The following GAS7 variants were observed in gnomAD, a reference collection of about 807,000 sequenced individuals.
The protein encoded by GAS7 is growth arrest-specific protein 7.
In GAS7, 28 loss-of-function variants were observed where a neutral mutation model predicts 71.1. The ratio of observed to expected loss-of-function variants is 0.39; its 90% CI spans 0.29 to 0.54. GAS7 has a LOEUF of 0.54. Ranked by LOEUF, GAS7 falls within the 20% of genes least tolerant of loss-of-function variation. GAS7 has a pLI of 0.62. For missense variants in GAS7, 436 were observed against 627.8 expected, an observed-to-expected ratio of 0.69 and a Z score of 3.27; for synonymous variants, 258 against 245.8, an observed-to-expected ratio of 1.05 and a Z score of -0.46.
In GAS7 at chr17:9,917,200, A is replaced by G; in HGVS notation, c.*28T>C. The G allele has an allele frequency of 5.2e-6, 5 of 968,988 alleles. No homozygotes were observed. The highest frequency in any genetic ancestry group is 8.4e-6 in the Non-Finnish European group (5 of 593,334). 60.0% of individuals were successfully genotyped at this position (968,988 alleles called of 1,614,324 possible). On this transcript the variant is annotated 3_prime_UTR_variant, in exon 14 of 14. Transcript: ENST00000432992. ...TGGGAGCCCAGCCCCCCTCCCCAGCAGGACCCCCCGAAGCTGCACAGGCCC... is the reference window on the plus strand; with the variant it reads ...TGGGAGCCCAGCCCCCCTCCCCAGCGGGACCCCCCGAAGCTGCACAGGCCC...
intron 2 of GAS7, among the ~76,000 whole-genome samples, chr17:9,988,698 T>A (rs1047822699): frequency 1.3e-5 from 2 of 151,736 alleles, no homozygotes; most frequent in African/African-American, 4.8e-5. Flanking sequence ...AAAAAAAAAA[T>A]TAAATGATAT....
At chr17:10,073,015 G>A (rs908396378) in intron 1 of GAS7, among the ~76,000 whole-genome samples, 4 of 152,216 alleles carry the variant, frequency 2.6e-5, no homozygotes, top group African/African-American at 4.8e-5. Context: ...GTGGCACGAT[G>A]GAAATAGAAA....
chr17:10,042,081 G>A (rs1482621076), intron 1 of GAS7, among the ~76,000 whole-genome samples: 2 of 152,036 alleles, frequency 1.3e-5, no homozygotes, highest in African/African-American at 2.4e-5. Flanking sequence ...CAGATCATGA[G>A]GTCACGAGTT....
At chr17:10,185,554 C>T (rs1028725264) in intron 1 of GAS7, among the ~76,000 whole-genome samples, 3 of 152,156 alleles carry the variant, frequency 2.0e-5, no homozygotes, top group African/African-American at 4.8e-5. Context: ...AACCAGTAAA[C>T]GTGTTTCCCC....
In GAS7 at chr17:10,032,877, C is replaced by T. The variant is rs188641597; in HGVS notation, c.184-12980G>A. Among the ~76,000 whole-genome samples, 34 of 152,232 alleles carry T rather than the reference C, an allele frequency of 2.2e-4. No individual in the cohort carries two copies. The East Asian group carries it at 6.6e-3, about 29-fold the overall frequency. ...GGAAAGAAAGGCTTGTCTGAGACAC[C>T]AACAAAGCGAAGTGATATACCAAAA... On this transcript the variant is annotated intron_variant, in intron 1 of 13. Transcript: ENST00000432992.
At chr17:10,159,677 A>G (rs188696811) in intron 1 of GAS7, among the ~76,000 whole-genome samples, 124 of 152,200 alleles carry the variant, frequency 8.1e-4, no homozygotes, top group African/African-American at 2.8e-3. Context: ...ACTGACTTGG[A>G]GAGAAGGTTT....
chr17:9,966,065 C>A (rs879339490), intron 4 of GAS7, among the ~76,000 whole-genome samples: 1 of 141,352 alleles, frequency 7.1e-6, no homozygotes, highest in Non-Finnish European at 1.5e-5. Flanking sequence ...GTGGTGCAAT[C>A]TCGGCTCACT....
intron 6 of GAS7, among the ~76,000 whole-genome samples, chr17:9,945,442 C>T (rs887328540): frequency 2.0e-5 from 3 of 152,058 alleles, no homozygotes; most frequent in African/African-American, 7.2e-5. Flanking sequence ...CTTACCCCGC[C>T]CTCTGAGCTC....
At chr17:10,163,522 G>A (rs1210479365) in intron 1 of GAS7, among the ~76,000 whole-genome samples, 2 of 151,814 alleles carry the variant, frequency 1.3e-5, no homozygotes, top group Non-Finnish European at 2.9e-5. Flanking sequence ...AAATGCTTGA[G>A]AGAGAAATAC....
rs538938894 is a variant in GAS7, at chr17:9,969,724, G to C, written c.424C>G (p.Pro142Ala). The change falls in exon 4 of 14, where the codon CCA becomes GCA. Residue 142 changes from proline (P) to alanine (A), a missense_variant. Transcript: ENST00000432992. This position sits in a 1 kb window ranked among gnomAD's most constrained non-coding sequence, Gnocchi z 5.5. The stretch of plus-strand genomic sequence containing the variant: ...CGGACACTCATGTGGGCAGTCTCTG[G>C]AGGGTGCGCTGGGGTCCCTGATGCG... The part of the protein sequence containing the change: ...YHASGTPAHP[P>A]ETAHMSVRKS... 8 of 1,613,176 alleles carry C rather than the reference G, an allele frequency of 5.0e-6. No homozygotes were observed. Among genetic ancestry groups the C allele is most frequent in the Non-Finnish European group, 6.8e-6 (8 of 1,179,124 alleles).
intron 1 of GAS7, among the ~76,000 whole-genome samples, chr17:10,060,122 T>C (rs187267370): frequency 1.3e-5 from 2 of 152,318 alleles, no homozygotes; most frequent in Admixed American, 1.3e-4. Flanking sequence ...GGGAGTGTGA[T>C]AATCCAACCA....
intron 1 of GAS7, among the ~76,000 whole-genome samples, chr17:10,107,256 A>C (rs1018907744): frequency 6.6e-6 from 1 of 152,246 alleles, no homozygotes; most frequent in African/African-American, 2.4e-5. Flanking sequence ...CTTACATAAC[A>C]CTACAAGGTG....
chr17:10,015,839 G>A (rs1011357755), intron 2 of GAS7, among the ~76,000 whole-genome samples: 2 of 152,058 alleles, frequency 1.3e-5, no homozygotes, highest in African/African-American at 4.8e-5. Context: ...TCCTTCTCCA[G>A]GAAGCCTCCC....
intron 1 of GAS7, among the ~76,000 whole-genome samples, chr17:10,073,475 G>T (rs2073361586): frequency 6.6e-6 from 1 of 151,278 alleles, no homozygotes; most frequent in Admixed American, 6.6e-5. Flanking sequence ...GGGAGAGCAG[G>T]TGACAATCTA....
intron 1 of GAS7, among the ~76,000 whole-genome samples, chr17:10,086,035 C>A (rs2073515613): frequency 6.6e-6 from 1 of 152,176 alleles, no homozygotes; most frequent in African/African-American, 2.4e-5. Context: ...GCTGCACCTA[C>A]AACATATTGA....
intron 4 of GAS7, among the ~76,000 whole-genome samples, chr17:9,965,522 G>A (rs2069671133): frequency 6.6e-6 from 1 of 152,120 alleles, no homozygotes; most frequent in Non-Finnish European, 1.5e-5. Context: ...GGGCGTGGGG[G>A]ATAAGAGGAG....
Position 9,959,043 on chromosome 17 carries a change from A to C in GAS7, c.525+159T>G, listed in dbSNP as rs2069366222. ...CAGGAGAAGGGGAGGTGGGAGGGGC[A>C]TGTGGATGGGGAACTTGAGTGAAAT... On this transcript the variant is annotated intron_variant, in intron 5 of 13. Transcript: ENST00000432992. This position sits in a 1 kb window ranked among gnomAD's most constrained non-coding sequence, Gnocchi z 5.0. 2 of 1,332,780 alleles carry C rather than the reference A, an allele frequency of 1.5e-6. No homozygotes were observed. The highest frequency in any genetic ancestry group is 2.8e-5 in the Admixed American group (1 of 35,352). 82.6% of individuals were successfully genotyped at this position (1,332,780 alleles called of 1,614,324 possible).
At chr17:10,096,837 G>A (rs1044835615) in intron 1 of GAS7, among the ~76,000 whole-genome samples, 3 of 152,248 alleles carry the variant, frequency 2.0e-5, no homozygotes, top group African/African-American at 4.8e-5. Context: ...ACGGATCCAC[G>A]AGTGGCGTCC....
At chr17:9,960,970 G>C (rs2069466729) in intron 4 of GAS7, among the ~76,000 whole-genome samples, 1 of 152,134 alleles carries the variant, frequency 6.6e-6, no homozygotes, top group South Asian at 2.1e-4. Context: ...GCTTTGAGGT[G>C]CATCAGAATC....
Sources: allele counts gnomAD v4.1 joint callset (sites outside exome capture counted in the v4.1 genomes callset), GRCh38; gene constraint gnomAD v4.1.1; non-coding constraint Gnocchi (gnomAD v3.1); transcripts MANE v1.5; gene names NCBI Gene and HGNC (gene_info 2026-07-23, HGNC 2026-07-21).